The following SIGLEC1 variants were observed in gnomAD, a reference collection of about 807,000 sequenced individuals.
SIGLEC1 encodes sialic acid binding Ig like lectin 1, also known as sialoadhesin.
In SIGLEC1, 132 loss-of-function variants were observed where a neutral mutation model predicts 148.0. That is an observed-to-expected ratio of 0.89 (90% CI 0.77 to 1.03). The LOEUF is 1.03. Among genes scored for constraint, SIGLEC1 ranks in the 50% least tolerant of loss-of-function variants. SIGLEC1 has a pLI of 0.00. For synonymous variants in SIGLEC1, 945 were observed against 969.0 expected (o/e 0.98, Z 0.46); for missense variants, 2,253 against 2,271.4 (o/e 0.99, Z 0.16).
chr20:3,704,938 T>C (rs569016505), intron 4 of SIGLEC1, among the ~76,000 whole-genome samples: 27 of 152,374 alleles, frequency 1.8e-4, no homozygotes, highest in African/African-American at 6.5e-4. Flanking sequence ...GTGTTTAATA[T>C]GTGCCAGGCA....
At position 3,698,066 on chromosome 20, in the gene SIGLEC1, C is replaced by A. The variant is rs764676118; in HGVS notation, c.1854G>T (p.Arg618=). Residue 618 remains arginine, a synonymous_variant, in exon 9 of 22, where the codon CGG becomes CGT. Transcript: ENST00000344754. ...CCACACGGCACAAAAGGAGGCCTCG[C>A]CGTCCAGCCCCGGCCCCAGCGGCAT... ...DLDAAGAGAG[R]RGLLLCRVDS... The A allele has an allele frequency of 3.1e-6, 5 of 1,607,178 alleles. No individual in the cohort carries two copies. The South Asian group carries it at 5.5e-5, about 18-fold the overall frequency.
At position 3,691,361 on chromosome 20, in the gene SIGLEC1, G is replaced by C. The variant is rs1046144148; in HGVS notation, c.4570C>G (p.Pro1524Ala). The C allele has an allele frequency of 1.9e-6, 3 of 1,613,544 alleles. No homozygotes were observed. Among genetic ancestry groups the C allele is most frequent in the African/African-American group, 2.7e-5 (2 of 75,072 alleles). Residue 1524 changes from proline to alanine, a missense_variant, in exon 18 of 22, where the codon CCA (proline) becomes GCA (alanine). Transcript: ENST00000344754. The part of the protein sequence containing the change: ...ELPTGAAASA[P>A]VMLRVLYPPK... ...TCACAGAGCACACGGAGCATGACTG[G>C]AGCAGAGGCAGCAGCCCCAGTGGGG...
chr20:3,693,164 A>G, intron 14 of SIGLEC1, 33 bp from the exon 15 acceptor site: 1 of 1,511,128 alleles, frequency 6.6e-7, no homozygotes, highest in Non-Finnish European at 8.8e-7. Flanking sequence ...ACGGAGTCAC[A>G]GGCAGCAGCC....
chr20:3,706,098 C>A, intron 3 of SIGLEC1, 58 bp from the exon 4 acceptor site: 1 of 1,543,436 alleles, frequency 6.5e-7, no homozygotes, highest in South Asian at 1.2e-5. Context: ...AGATCCCTCG[C>A]CCTGGAAACC....
At chr20:3,703,567 G>A (rs1417885602) in intron 5 of SIGLEC1, 116 bp from the exon 6 acceptor site, 23 of 1,329,228 alleles carry the variant, frequency 1.7e-5, no homozygotes, top group Admixed American at 5.1e-5. Flanking sequence ...TACACCACCC[G>A]CCTGCTGCTA....
At position 3,705,765 on chromosome 20, in the gene SIGLEC1, C is replaced by A. The variant is rs367939788; in HGVS notation, c.685G>T (p.Glu229Ter). 3.7e-6 allele frequency: 6 copies of A among 1,610,206 alleles called. No homozygotes were observed. The highest frequency in any genetic ancestry group is 5.1e-6 in the Non-Finnish European group (6 of 1,177,162). Residue 229 changes from glutamate to a stop codon, truncating the protein, a stop_gained, in exon 4 of 22, where the codon GAG (glutamate) becomes TAG (stop). Transcript: ENST00000344754. LOFTEE classifies it high-confidence loss of function. ...LSVANHRAQS[E>*]IHLQVKYAPK... ...TCACACTTCACTTGGAGGTGAATCT[C>A]GCTCTGAGCCCTGTGATTGGCCACG...
At position 3,693,713 on chromosome 20, in the gene SIGLEC1, G is replaced by C. The variant is rs557818310; in HGVS notation, c.3257-15C>G. On this transcript the variant is annotated splice_polypyrimidine_tract_variant and intron_variant, in intron 13 of 21. Coordinates refer to ENST00000344754, the MANE Select transcript of SIGLEC1 (RefSeq NM_023068.4). ...CACATTCACAGCTGGGGAGAGGGAGGGCACAGGACACCAGTGAGGGTCTTG... is the reference window on the plus strand; with the variant it reads ...CACATTCACAGCTGGGGAGAGGGAGCGCACAGGACACCAGTGAGGGTCTTG... 29 of 1,559,924 alleles carry C rather than the reference G, an allele frequency of 1.9e-5. No individual in the cohort carries two copies. The South Asian group carries it at 3.3e-4, about 18-fold the overall frequency.
At position 3,706,423 on chromosome 20, in the gene SIGLEC1, A is replaced by T. The variant is rs1201787359; in HGVS notation, c.333T>A (p.Gly111=). Residue 111 remains glycine (G), a synonymous_variant, in exon 3 of 22, where the codon GGT becomes GGA. Transcript: ENST00000344754. ...TGATCTCGAAGCGGAAGTTGTAGGA[A>T]CCAGAGTCCTCGGGCTGCAGGTCCT... ...LLKDLQPEDS[G]SYNFRFEISE... is the part of the protein sequence containing the mutation. 6.2e-7 allele frequency: 1 copy of T among 1,614,018 alleles called. No homozygotes were observed. The highest frequency in any genetic ancestry group is 8.5e-7 in the Non-Finnish European group (1 of 1,180,028).
At chr20:3,703,700 C>T in intron 5 of SIGLEC1, 125 bp downstream of exon 5, 3 of 1,326,612 alleles carry the variant, frequency 2.3e-6, no homozygotes, top group Non-Finnish European at 2.0e-6. Context: ...GGACTCCACA[C>T]CTGCATCCAG....
intron 11 of SIGLEC1, among the ~76,000 whole-genome samples, chr20:3,695,582 G>C (rs978731756): frequency 4.6e-5 from 7 of 152,188 alleles, no homozygotes; most frequent in Non-Finnish European, 1.0e-4. Flanking sequence ...GACCATGCCT[G>C]AGACCACAGC....
At position 3,688,615 on chromosome 20, in the gene SIGLEC1, A is replaced by G. The variant is rs1785131064; in HGVS notation, c.5075T>C (p.Ile1692Thr). The G allele has an allele frequency of 6.3e-7, 1 of 1,597,544 alleles. No individual in the cohort carries two copies. Among genetic ancestry groups the G allele is most frequent in the South Asian group, 1.1e-5 (1 of 88,086 alleles). ...MAFQKETTQLIDPDAATCETS... is the reference protein window; with the variant it reads ...MAFQKETTQLTDPDAATCETS... ...CTCACATGTGGCTGCATCAGGATCA[A>G]TGAGCTTCCCACAGAGAAAACCCTG... Residue 1692 changes from isoleucine (I) to threonine (T), a missense_variant, in exon 22 of 22, where the codon ATT becomes ACT. By Grantham distance (89) the Ile-to-Thr change is moderately conservative. Transcript: ENST00000344754.
rs1318038110 is a variant in SIGLEC1 at position 3,706,714 on chromosome 20, A to C, written c.50-8T>G. On this transcript the variant is annotated splice_region_variant and splice_polypyrimidine_tract_variant and intron_variant, in intron 2 of 21. Transcript: ENST00000344754. ...CGCCCCATGAGGCCTGGCCTGGGGG[A>C]AGAACGGCAGGGGGACAGAGGGGAG... is the stretch of plus-strand genomic sequence containing the variant. 6 of 1,531,976 alleles carry C rather than the reference A, an allele frequency of 3.9e-6. No individual in the cohort carries two copies. In the African/African-American group the frequency reaches 8.2e-5, roughly 21 times the overall value. 94.9% of individuals were successfully genotyped at this position (1,531,976 alleles called of 1,614,324 possible). A position where few individuals can be genotyped will look rare whatever the true frequency, so the allele number is the denominator to read the frequency against.
At position 3,700,106 on chromosome 20, in the gene SIGLEC1, C is replaced by CTTTT. The variant is rs58342380; in HGVS notation, c.1529-651_1529-648dup. 1.9e-3 allele frequency among the ~76,000 whole-genome samples: 70 copies of CTTTT among 36,116 alleles called. 11 individuals carry two copies. The highest frequency in any genetic ancestry group is 6.8e-3 in the East Asian group (6 of 876). The allele number at this position is 36,116 out of a possible 152,430, so 23.7% of individuals were successfully genotyped here. ...TACAGGTGTGAGCCACTGTGGCCAG[C>CTTTT]TTTTTTTTTTTTTTTTTTTTTTTTT... On this transcript the variant is annotated intron_variant, in intron 7 of 21. Coordinates refer to ENST00000344754, the MANE Select transcript of SIGLEC1 (RefSeq NM_023068.4).
chr20:3,705,650 C>T (rs2087886688), intron 4 of SIGLEC1, 94 bp downstream of exon 4: 3 of 1,385,296 alleles, frequency 2.2e-6, no homozygotes, highest in East Asian at 2.3e-5. Flanking sequence ...GCATCAGGAG[C>T]AAGGGTTCCG....
At chr20:3,706,211 C>T in intron 3 of SIGLEC1, 136 bp downstream of exon 3, 1 of 1,361,174 alleles carries the variant, frequency 7.3e-7, no homozygotes, top group Non-Finnish European at 9.9e-7. Flanking sequence ...CAGGCCTGGG[C>T]CTACGCCGGG....
intron 4 of SIGLEC1, among the ~76,000 whole-genome samples, chr20:3,705,346 G>T (rs529196621): frequency 1.3e-5 from 2 of 152,302 alleles, no homozygotes; most frequent in East Asian, 1.9e-4. Flanking sequence ...ACCATCTATT[G>T]TTATCTTCGT....
At position 3,706,409 on chromosome 20, in the gene SIGLEC1, C is replaced by T. The variant is rs1329521162; in HGVS notation, c.347G>A (p.Arg116His). ...GCGGTTGACCTCACTGATCTCGAAG[C>T]GGAAGTTGTAGGAACCAGAGTCCTC... ...QPEDSGSYNF[R>H]FEISEVNRWS... Residue 116 changes from arginine to histidine, a missense_variant, in exon 3 of 22, where the codon CGC (arginine) becomes CAC (histidine). Transcript: ENST00000344754. 7 of 1,613,986 alleles carry T rather than the reference C, an allele frequency of 4.3e-6. No homozygotes were observed. The highest frequency in any genetic ancestry group is 1.7e-5 in the Admixed American group (1 of 60,008).
intron 7 of SIGLEC1, 100 bp from the exon 8 acceptor site, chr20:3,699,559 G>A: frequency 6.9e-7 from 1 of 1,442,498 alleles, no homozygotes; most frequent in Non-Finnish European, 9.3e-7. Flanking sequence ...CCACACTACT[G>A]TAGGTAGCTC....
At position 3,697,828 on chromosome 20, in the gene SIGLEC1, C is replaced by A. The variant is rs750306840; in HGVS notation, c.2092G>T (p.Ala698Ser). The change falls in exon 9 of 22, where the codon GCC (alanine) becomes TCC (serine). Residue 698 changes from alanine to serine, a missense_variant. By Grantham distance (99) the Ala-to-Ser change is moderately conservative. Transcript: ENST00000344754. The stretch of plus-strand genomic sequence containing the variant: ...CCATTGAAGGTGGCTGAGGTGGAGG[C>A]GTTGCCCAGGGCATTGCTGGCCTCA... ...LCEASNALGN[A>S]STSATFNGQA... 4 of 1,612,714 alleles carry A rather than the reference C, an allele frequency of 2.5e-6. No homozygotes were observed. Among genetic ancestry groups the A allele is most frequent in the Admixed American group, 3.3e-5 (2 of 59,960 alleles).
Sources: allele counts gnomAD v4.1 joint callset (sites outside exome capture counted in the v4.1 genomes callset), GRCh38; gene constraint gnomAD v4.1.1; transcripts MANE v1.5; gene names NCBI Gene and HGNC (gene_info 2026-07-23, HGNC 2026-07-21).